ADAMTS9: variants seen among roughly 807,000 people sequenced by gnomAD.
ADAMTS9 encodes the protein A disintegrin and metalloproteinase with thrombospondin motifs 9.
Under a neutral mutation model 257.1 loss-of-function variants are expected in ADAMTS9, and 107 were observed. That is an observed-to-expected ratio of 0.42 (90% CI 0.36 to 0.49). The LOEUF (loss-of-function observed/expected upper bound fraction) is 0.49, where lower values mean the gene tolerates loss of function less well. Among genes scored for constraint, ADAMTS9 ranks in the 20% least tolerant of loss-of-function variants. The pLI is 0.03. For synonymous variants in ADAMTS9, 982 were observed against 880.9 expected (o/e 1.11, Z -2.03); for missense variants, 2,353 against 2,469.1 (o/e 0.95, Z 1.00).
intron 30 of ADAMTS9, 181 bp downstream of exon 30, chr3:64,561,397 C>T (rs2083419915): frequency 2.4e-6 from 1 of 411,786 alleles, no homozygotes; most frequent in Non-Finnish European, 3.9e-6. Context: ...TGCTTAAAAA[C>T]AAGAAGTTCT....
chr3:64,643,071 G>C (rs750415346), intron 11 of ADAMTS9, among the ~76,000 whole-genome samples: 1 of 152,156 alleles, frequency 6.6e-6, no homozygotes, highest in African/African-American at 2.4e-5. Flanking sequence ...CTGAGGGCAC[G>C]TCCCTTTCCC....
rs145149653 is a variant in ADAMTS9, at chr3:64,632,655, C to T, written c.2176-730G>A. 2.9e-3 allele frequency among the ~76,000 whole-genome samples: 438 copies of T among 152,214 alleles called. 2 individuals are homozygous for T. The highest frequency in any genetic ancestry group is 9.9e-3 in the African/African-American group (411 of 41,532). On this transcript the variant is annotated intron_variant, in intron 14 of 39. Transcript: ENST00000498707. ...GAAGAAGAGAGTCCACATTCTTGTC[C>T]GTTTTGTTCATTTGTGTGAACTAAT... is the stretch of plus-strand genomic sequence containing the variant.
chr3:64,665,595 A>T (rs1268486352), intron 3 of ADAMTS9, among the ~76,000 whole-genome samples: 1 of 152,254 alleles, frequency 6.6e-6, no homozygotes, highest in Non-Finnish European at 1.5e-5. Flanking sequence ...CATTTAAGGT[A>T]GAGTGACTAA....
intron 2 of ADAMTS9, among the ~76,000 whole-genome samples, chr3:64,682,222 G>T (rs1701775565): frequency 6.6e-6 from 1 of 152,162 alleles, no homozygotes; most frequent in Non-Finnish European, 1.5e-5. Context: ...TTGTTCGTCA[G>T]CTGGGGATAA....
chr3:64,649,585 A>G, intron 10 of ADAMTS9, 52 bp downstream of exon 10: 1 of 1,535,214 alleles, frequency 6.5e-7, no homozygotes, highest in Non-Finnish European at 8.8e-7. Context: ...CTATGAATAA[A>G]AAGAAGTGCA....
At position 64,613,432 on chromosome 3, in the gene ADAMTS9, TC is replaced by T. The variant is rs1559792046; in HGVS notation, c.3266del (p.Arg1089LysfsTer41). The T allele has an allele frequency of 6.2e-7, 1 of 1,613,984 alleles. No homozygotes were observed. The highest frequency in any genetic ancestry group is 1.1e-5 in the South Asian group (1 of 91,072). ...CQFGEDRLND[R>X]MCDPETKPTS... ...TTGGCTTGGTCTCAGGGTCACACAT[TC>T]TATCATTTAATCGATCTTCACCAAA... On this transcript the variant is annotated frameshift_variant, in exon 22 of 40. Coordinates refer to ENST00000498707, the MANE Select transcript of ADAMTS9 (RefSeq NM_182920.2). LOFTEE classifies it high-confidence loss of function.
chr3:64,590,994 C>T (rs765433047), intron 28 of ADAMTS9, among the ~76,000 whole-genome samples: 11 of 152,280 alleles, frequency 7.2e-5, no homozygotes, highest in Admixed American at 1.3e-4. Flanking sequence ...TTCTCTAGAA[C>T]GCTCTGGATT....
At chr3:64,533,313 T>C (rs780359525) in intron 37 of ADAMTS9, 43 bp from the exon 38 acceptor site, 1 of 1,558,350 alleles carries the variant, frequency 6.4e-7, no homozygotes, top group Non-Finnish European at 8.8e-7. Context: ...GTCCATGTGA[T>C]GTCCTCAAAA....
At chr3:64,588,367 G>A (rs1395721517) in intron 28 of ADAMTS9, 1 of 151,858 alleles carries the variant, frequency 6.6e-6, no homozygotes, top group Admixed American at 6.6e-5. Flanking sequence ...CTTAGCACCT[G>A]GAACAGTCCC....
At chr3:64,572,733 G>C (rs771518662) in intron 28 of ADAMTS9, among the ~76,000 whole-genome samples, 1 of 152,124 alleles carries the variant, frequency 6.6e-6, no homozygotes, top group Non-Finnish European at 1.5e-5. Flanking sequence ...ATGTACACAG[G>C]ATCTGGCCAG....
At chr3:64,520,030 T>C (rs1346037474) in intron 39 of ADAMTS9, among the ~76,000 whole-genome samples, 1 of 152,144 alleles carries the variant, frequency 6.6e-6, no homozygotes, top group Non-Finnish European at 1.5e-5. Context: ...AATATGATTC[T>C]ATACAAAGAA....
chr3:64,629,996 T>C (rs930487010), intron 16 of ADAMTS9, among the ~76,000 whole-genome samples: 1 of 152,212 alleles, frequency 6.6e-6, no homozygotes, highest in African/African-American at 2.4e-5. Context: ...ATTAAGGGCC[T>C]CTATACAGGT....
intron 38 of ADAMTS9, among the ~76,000 whole-genome samples, chr3:64,523,735 C>T (rs1020047201): frequency 6.6e-6 from 1 of 152,136 alleles, no homozygotes; most frequent in African/African-American, 2.4e-5. Context: ...ACTTACCCAT[C>T]ATCCATTTTG....
chr3:64,615,899 G>T (rs1318474695), intron 20 of ADAMTS9, 61 bp downstream of exon 20: 1 of 1,593,928 alleles, frequency 6.3e-7, no homozygotes, highest in African/African-American at 1.3e-5. Flanking sequence ...CACCTGCAAG[G>T]AGCCACCATC....
At chr3:64,604,874 G>A (rs1175642692) in intron 23 of ADAMTS9, among the ~76,000 whole-genome samples, 6 of 152,164 alleles carry the variant, frequency 3.9e-5, no homozygotes, top group East Asian at 3.9e-4. Flanking sequence ...TCATGCAGAC[G>A]AAGTCCCTGT....
At chr3:64,561,358 C>T in intron 30 of ADAMTS9, 1 of 294,798 alleles carries the variant, frequency 3.4e-6, no homozygotes, top group Non-Finnish European at 5.9e-6. Context: ...AGACTTGGAA[C>T]ACTCAGGAAT....
intron 2 of ADAMTS9, among the ~76,000 whole-genome samples, chr3:64,683,474 C>G (rs901871515): frequency 1.3e-5 from 2 of 152,186 alleles, no homozygotes; most frequent in South Asian, 4.1e-4. Flanking sequence ...CTGCCACTTA[C>G]GAGCTGTGAG....
chr3:64,568,220 G>A, intron 29 of ADAMTS9, 148 bp downstream of exon 29: 1 of 762,130 alleles, frequency 1.3e-6, no homozygotes, highest in South Asian at 2.0e-5. Context: ...TAAGTATCCT[G>A]ACTATCTAGG....
intron 3 of ADAMTS9, among the ~76,000 whole-genome samples, chr3:64,669,711 G>A (rs1701439061): frequency 6.6e-6 from 1 of 152,142 alleles, no homozygotes; most frequent in Non-Finnish European, 1.5e-5. Flanking sequence ...CAGGGTGGCA[G>A]GGTAGAATAA....
Sources: allele counts gnomAD v4.1 joint callset (sites outside exome capture counted in the v4.1 genomes callset), GRCh38; gene constraint gnomAD v4.1.1; transcripts MANE v1.5; gene names NCBI Gene and HGNC (gene_info 2026-07-23, HGNC 2026-07-21).